The following MPP7 variants were observed in gnomAD, a reference collection of about 807,000 sequenced individuals.
MPP7 encodes MAGUK p55 subfamily member 7.
Under a neutral mutation model 76.5 loss-of-function variants are expected in MPP7, and 60 were observed. The observed-to-expected ratio is 0.78, with a 90% CI of 0.64 to 0.97. The LOEUF (loss-of-function observed/expected upper bound fraction) is 0.97. Among genes scored for constraint, MPP7 ranks in the 50% least tolerant of loss-of-function variants. MPP7 has a pLI of 0.00. For synonymous variants in MPP7, 237 were observed against 244.5 expected, an observed-to-expected ratio of 0.97 and a Z score of 0.29; for missense variants, 641 against 694.0, an observed-to-expected ratio of 0.92 and a Z score of 0.86.
chr10:28,290,500 T>C (rs879329988), intron 1 of MPP7, among the ~76,000 whole-genome samples: 3 of 152,156 alleles, frequency 2.0e-5, no homozygotes, highest in Admixed American at 6.5e-5. Context: ...AGATAAGAGA[T>C]TCGCTTTTGT....
In MPP7 at chr10:28,056,517, G is replaced by A. The variant is rs377548845; in HGVS notation, c.1514C>T (p.Ser505Leu). Residue 505 changes from serine to leucine, a missense_variant, in exon 16 of 17, where the codon TCA (serine) becomes TTA (leucine). Ser to Leu is a moderately radical substitution (Grantham distance 145). Transcript: ENST00000683449. ...RETRKNAKII[S>L]SRDDQGAAKP... ...TGCAGCACCTTGGTCATCTCTGCTT[G>A]AAATAATCTTTGCATTTTTTCTTGT... 63 of 1,612,704 alleles carry A rather than the reference G, an allele frequency of 3.9e-5. No individual in the cohort carries two copies. In the African/African-American group the frequency reaches 7.7e-4, roughly 20 times the overall value.
chr10:28,138,470 C>G (rs186147979), intron 5 of MPP7, among the ~76,000 whole-genome samples: 62 of 152,260 alleles, frequency 4.1e-4, no homozygotes, highest in African/African-American at 1.5e-3. Flanking sequence ...TCTATTGTTT[C>G]TTTTATACTG....
intron 1 of MPP7, among the ~76,000 whole-genome samples, chr10:28,297,333 A>G (rs1471774500): frequency 2.6e-5 from 4 of 152,184 alleles, no homozygotes; most frequent in Admixed American, 2.0e-4. Flanking sequence ...TTTTGCCTTG[A>G]TGTTGATGGC....
rs201802568 is a variant in MPP7, at chr10:28,055,006, TAA to T, written c.1552-764_1552-763del. ...TTACCACGTTCCTTCGATGTCTCAT[TAA>T]AAGTGTTTCAGGAGCCTTCGTGTCT... On this transcript the variant is annotated intron_variant, in intron 16 of 16. Transcript: ENST00000683449. Among the ~76,000 whole-genome samples, 1,209 of 152,298 alleles carry T rather than the reference TAA, an allele frequency of 7.9e-3. 8 individuals carry two copies. The highest frequency in any genetic ancestry group is 0.012 in the Admixed American group (190 of 15,292).
chr10:28,085,550 T>C (rs531980878), intron 12 of MPP7, among the ~76,000 whole-genome samples: 1 of 152,250 alleles, frequency 6.6e-6, no homozygotes, highest in African/African-American at 2.4e-5. Flanking sequence ...ATTGAAGCAA[T>C]GCAATTAATT....
chr10:28,215,547 A>C (rs143508226), intron 2 of MPP7, among the ~76,000 whole-genome samples: 15 of 152,276 alleles, frequency 9.9e-5, no homozygotes, highest in Non-Finnish European at 2.2e-4. Context: ...TGGGATCTGA[A>C]GGAAGCACAG....
At chr10:28,270,536 G>GC (rs1184479485) in intron 1 of MPP7, among the ~76,000 whole-genome samples, 1 of 128,992 alleles carries the variant, frequency 7.8e-6, no homozygotes, top group Admixed American at 7.6e-5. Context: ...AAAAAAAGGG[G>GC]GGGGGGGAGG....
At chr10:28,140,148 T>G (rs1331705909) in intron 5 of MPP7, among the ~76,000 whole-genome samples, 1 of 152,344 alleles carries the variant, frequency 6.6e-6, no homozygotes, top group Non-Finnish European at 1.5e-5. Context: ...CCGCATACTC[T>G]TAAATGTGTT....
intron 1 of MPP7, among the ~76,000 whole-genome samples, chr10:28,267,481 TC>T (rs1256063461): frequency 1.3e-5 from 2 of 152,066 alleles, no homozygotes; most frequent in East Asian, 3.9e-4. Flanking sequence ...GTTGAGCATC[TC>T]TAATACAAAA....
At chr10:28,264,596 A>G (rs1840087137) in intron 1 of MPP7, among the ~76,000 whole-genome samples, 2 of 151,734 alleles carry the variant, frequency 1.3e-5, no homozygotes, top group Non-Finnish European at 2.9e-5. Context: ...TTTAAATAAA[A>G]TATAATCTCA....
At chr10:28,145,782 A>T (rs1306822579) in intron 5 of MPP7, among the ~76,000 whole-genome samples, 1 of 148,728 alleles carries the variant, frequency 6.7e-6, no homozygotes, top group Non-Finnish European at 1.5e-5. Context: ...GCTAGATAAA[A>T]TGAAAAATAA....
chr10:28,189,991 TA>T (rs1352853485), intron 3 of MPP7, among the ~76,000 whole-genome samples: 1 of 152,002 alleles, frequency 6.6e-6, no homozygotes. Flanking sequence ...TAGAGAAAGA[TA>T]CACTAACATT....
chr10:28,291,158 T>G (rs927390058), intron 1 of MPP7, among the ~76,000 whole-genome samples: 13 of 152,206 alleles, frequency 8.5e-5, no homozygotes, highest in African/African-American at 3.1e-4. Context: ...TCTACTAACA[T>G]GTACTAGCAA....
intron 1 of MPP7, among the ~76,000 whole-genome samples, chr10:28,264,470 C>T (rs1009899651): frequency 3.4e-4 from 52 of 151,976 alleles, no homozygotes; most frequent in African/African-American, 1.1e-3. Context: ...AACCCCACCA[C>T]GTGAGAAGGC....
chr10:28,173,003 C>A (rs1258894604), intron 3 of MPP7, among the ~76,000 whole-genome samples: 1 of 152,142 alleles, frequency 6.6e-6, no homozygotes, highest in African/African-American at 2.4e-5. Flanking sequence ...CCAAGACTTT[C>A]ACCCTATAGA....
At chr10:28,157,015 G>T (rs1014444864) in intron 3 of MPP7, among the ~76,000 whole-genome samples, 1 of 152,066 alleles carries the variant, frequency 6.6e-6, no homozygotes. Context: ...TTCGAGACCA[G>T]CCTGGTCAAC....
intron 6 of MPP7, among the ~76,000 whole-genome samples, chr10:28,126,496 G>A (rs1325025632): frequency 6.6e-6 from 1 of 152,172 alleles, no homozygotes; most frequent in African/African-American, 2.4e-5. Flanking sequence ...GTCGTAATTT[G>A]TCTAAGATCA....
intron 6 of MPP7, among the ~76,000 whole-genome samples, chr10:28,126,459 T>C (rs1326300258): frequency 6.6e-6 from 1 of 152,236 alleles, no homozygotes; most frequent in Non-Finnish European, 1.5e-5. Context: ...ATCCATAGTT[T>C]CTGGATGATA....
chr10:28,241,692 C>G (rs1008203592), intron 1 of MPP7, among the ~76,000 whole-genome samples: 1 of 152,162 alleles, frequency 6.6e-6, no homozygotes, highest in African/African-American at 2.4e-5. Context: ...GAAGTTCAAT[C>G]CATCTTTCCA....
Sources: allele counts gnomAD v4.1 joint callset (sites outside exome capture counted in the v4.1 genomes callset), GRCh38; gene constraint gnomAD v4.1.1; transcripts MANE v1.5; gene names NCBI Gene and HGNC (gene_info 2026-07-23, HGNC 2026-07-21).